The following CAMTA1 variants were observed in gnomAD, a reference collection of about 807,000 sequenced individuals.
CAMTA1 encodes the protein calmodulin-binding transcription activator 1.
Under a neutral mutation model 170.9 loss-of-function variants are expected in CAMTA1, and 27 were observed. The observed-to-expected ratio is 0.16, with a 90% confidence interval of 0.12 to 0.22. The LOEUF is 0.22. CAMTA1 is among the 10% of genes least tolerant of loss of function. CAMTA1 has a pLI of 1.00. For synonymous variants in CAMTA1, 833 were observed against 891.5 expected (o/e 0.93, Z 1.17); for missense variants, 1,619 against 2,217.2 (o/e 0.73, Z 5.42).
chr1:7,591,960 G>A (rs769056088), intron 6 of CAMTA1, among the ~76,000 whole-genome samples: 10 of 152,238 alleles, frequency 6.6e-5, no homozygotes, highest in African/African-American at 9.6e-5. Context: ...GTGCAATGGC[G>A]GGATCTCAGC....
Position 7,249,623 on chromosome 1 carries a change from G to A in CAMTA1, c.435G>A (p.Val145=). The A allele has an allele frequency of 6.2e-7, 1 of 1,613,704 alleles. No homozygotes were observed. Among genetic ancestry groups the A allele is most frequent in the South Asian group, 1.1e-5 (1 of 90,910 alleles). ...EDHMKLKVQG[V]ECLYGCYVHS... is the part of the protein sequence containing the mutation. ...ACATGAAACTCAAGGTCCAGGGAGT[G>A]GAGGTAAACAGCAGAAAAGGTTCCC... Residue 145 remains valine, a synonymous_variant, in exon 5 of 23, where the codon GTG becomes GTA. Coordinates refer to ENST00000303635, the MANE Select transcript of CAMTA1 (RefSeq NM_015215.4). The surrounding 1 kb of genome is among the most constrained non-coding windows in gnomAD (Gnocchi z 4.4).
intron 5 of CAMTA1, among the ~76,000 whole-genome samples, chr1:7,321,468 T>C (rs1409415799): frequency 2.6e-5 from 4 of 152,212 alleles, no homozygotes; most frequent in Admixed American, 2.6e-4. Context: ...GCCCTCTCAC[T>C]GGCACAATCC....
intron 4 of CAMTA1, among the ~76,000 whole-genome samples, chr1:7,104,369 TACAC>T (rs35873712): frequency 2.3e-4 from 34 of 150,884 alleles, no homozygotes; most frequent in Admixed American, 7.2e-4. Context: ...TCAATACACA[TACAC>T]ACACACACAC....
chr1:6,970,572 C>T lies in CAMTA1; in HGVS notation c.235-120732C>T, dbSNP rs540200784. Among the ~76,000 whole-genome samples, 23 of 152,132 alleles carry T rather than the reference C, an allele frequency of 1.5e-4. No individual in the cohort carries two copies. Among genetic ancestry groups the T allele is most frequent in the African/African-American group, 5.1e-4 (21 of 41,494 alleles). On this transcript the variant is annotated intron_variant, in intron 3 of 22. Coordinates refer to ENST00000303635, the MANE Select transcript of CAMTA1 (RefSeq NM_015215.4). The surrounding 1 kb of genome is among the most constrained non-coding windows in gnomAD (Gnocchi z 4.4). ...CAGGACCCAGGGACTCCACCTGAGG[C>T]CTGAAGGATACCGTGAGTCTGAAGA...
At chr1:7,046,864 A>G (rs1029619673) in intron 3 of CAMTA1, among the ~76,000 whole-genome samples, 4 of 152,214 alleles carry the variant, frequency 2.6e-5, no homozygotes, top group African/African-American at 9.6e-5. Flanking sequence ...CTAATGTGAA[A>G]TGCTGCCATG....
Position 7,299,561 on chromosome 1 carries a change from C to T in CAMTA1, c.438+49935C>T, listed in dbSNP as rs1253583076. Among the ~76,000 whole-genome samples, 5 of 152,324 alleles carry T rather than the reference C, an allele frequency of 3.3e-5. 1 individual carries two copies. The highest frequency in any genetic ancestry group is 3.9e-4 in the East Asian group (2 of 5,182). ...ACCTCGCAATGAGCCAGCGGCTCCC[C>T]GGAGTCAGACGCTGGCCCTTGTGTC... On this transcript the variant is annotated intron_variant, in intron 5 of 22. Coordinates refer to ENST00000303635, the MANE Select transcript of CAMTA1 (RefSeq NM_015215.4). This position sits in a 1 kb window ranked among gnomAD's most constrained non-coding sequence, Gnocchi z 4.7.
At chr1:7,551,007 A>G (rs997155967) in intron 6 of CAMTA1, among the ~76,000 whole-genome samples, 8 of 152,114 alleles carry the variant, frequency 5.3e-5, no homozygotes, top group African/African-American at 1.7e-4. Context: ...ATTTTTGTCT[A>G]ATTACTGACT....
At chr1:6,843,872 T>TA (rs1448591302) in intron 3 of CAMTA1, among the ~76,000 whole-genome samples, 1 of 152,126 alleles carries the variant, frequency 6.6e-6, no homozygotes, top group Admixed American at 6.5e-5. Flanking sequence ...GTGGCCAAAT[T>TA]AAAAAAGACA....
intron 3 of CAMTA1, among the ~76,000 whole-genome samples, chr1:6,830,287 G>T (rs1393511165): frequency 6.6e-6 from 1 of 150,434 alleles, no homozygotes; most frequent in African/African-American, 2.4e-5. Flanking sequence ...CTCGTGATCC[G>T]CCCGCCTTGG....
intron 3 of CAMTA1, among the ~76,000 whole-genome samples, chr1:6,902,148 T>A (rs1188127087): frequency 6.6e-6 from 1 of 151,918 alleles, no homozygotes; most frequent in Non-Finnish European, 1.5e-5. Context: ...GGAAACAACA[T>A]TGACATTTTC....
At chr1:7,180,737 C>T (rs961828809) in intron 4 of CAMTA1, among the ~76,000 whole-genome samples, 7 of 151,992 alleles carry the variant, frequency 4.6e-5, no homozygotes, top group Non-Finnish European at 8.8e-5. Context: ...GTCTTGAGCA[C>T]CGGGGCTCAA....
chr1:6,830,346 G>GT (rs1175901382), intron 3 of CAMTA1, among the ~76,000 whole-genome samples: 1,245 of 108,998 alleles, frequency 0.011, 9 homozygotes, highest in African/African-American at 0.023. Flanking sequence ...ACCTGGCCTT[G>GT]TTTTTTTTTT....
chr1:6,866,838 G>A (rs1571145765), intron 3 of CAMTA1, among the ~76,000 whole-genome samples: 1 of 152,166 alleles, frequency 6.6e-6, no homozygotes. Context: ...TAAATATGTA[G>A]CATTTATGTG....
chr1:6,810,488 A>G (rs530642539), intron 1 of CAMTA1, among the ~76,000 whole-genome samples: 3 of 152,002 alleles, frequency 2.0e-5, no homozygotes, highest in African/African-American at 4.8e-5. Context: ...TCCAGCCCAC[A>G]CTCCGGGGGA....
chr1:7,109,340 G>A (rs1643879737), intron 4 of CAMTA1, among the ~76,000 whole-genome samples: 1 of 152,228 alleles, frequency 6.6e-6, no homozygotes. Context: ...GAGGGGCAAA[G>A]TGTAGGAAGA....
chr1:7,133,460 CT>C (rs200834936), intron 4 of CAMTA1, among the ~76,000 whole-genome samples: 1,571 of 151,994 alleles, frequency 0.01, 25 homozygotes, highest in African/African-American at 0.036. Context: ...TTTGTGTCTT[CT>C]TTTTTTTCCC....
chr1:6,821,946 TTG>T (rs1646535790), intron 2 of CAMTA1, among the ~76,000 whole-genome samples: 1 of 152,144 alleles, frequency 6.6e-6, no homozygotes, highest in Non-Finnish European at 1.5e-5. Flanking sequence ...AGAATTAGAG[TTG>T]TCAGTCAAGC....
intron 11 of CAMTA1, among the ~76,000 whole-genome samples, chr1:7,727,111 C>T (rs1038328994): frequency 6.7e-6 from 1 of 149,408 alleles, no homozygotes; most frequent in Non-Finnish European, 1.5e-5. Context: ...CCTTTCTCTG[C>T]CTTGTATTAA....
At chr1:7,029,725 C>G (rs542009832) in intron 3 of CAMTA1, among the ~76,000 whole-genome samples, 2 of 152,172 alleles carry the variant, frequency 1.3e-5, no homozygotes, top group South Asian at 4.1e-4. Flanking sequence ...ACCCAAAGAG[C>G]TTCTGCTCAT....
Sources: allele counts gnomAD v4.1 joint callset (sites outside exome capture counted in the v4.1 genomes callset), GRCh38; gene constraint gnomAD v4.1.1; non-coding constraint Gnocchi (gnomAD v3.1); transcripts MANE v1.5; gene names NCBI Gene and HGNC (gene_info 2026-07-23, HGNC 2026-07-21).